MEGF10: variants seen among roughly 807,000 people sequenced by gnomAD.
The protein encoded by MEGF10 is multiple epidermal growth factor-like domains protein 10.
A neutral mutation model predicts 147.5 loss-of-function variants in MEGF10; 86 were observed. That is an observed-to-expected ratio of 0.58 (90% CI 0.49 to 0.70). The LOEUF is 0.70. Ranked by LOEUF, MEGF10 falls within the 30% of genes least tolerant of loss-of-function variation. The pLI, the probability that MEGF10 is intolerant of heterozygous loss-of-function variation, is 0.00. For synonymous variants in MEGF10, 478 were observed against 525.5 expected, an observed-to-expected ratio of 0.91 and a Z score of 1.24; for missense variants, 1,329 against 1,487.3, an observed-to-expected ratio of 0.89 and a Z score of 1.75.
intron 1 of MEGF10, among the ~76,000 whole-genome samples, chr5:127,328,397 A>T (rs1438825970): frequency 6.6e-6 from 1 of 152,200 alleles, no homozygotes; most frequent in Non-Finnish European, 1.5e-5. Context: ...TTTTCAATGT[A>T]CTGATATTTT....
At chr5:127,380,032 T>C (rs1763190797) in intron 5 of MEGF10, among the ~76,000 whole-genome samples, 2 of 151,556 alleles carry the variant, frequency 1.3e-5, no homozygotes, top group South Asian at 4.2e-4. Flanking sequence ...CGTTTTTAAA[T>C]AGGAACTTTC....
chr5:127,333,584 C>T (rs370642926), intron 2 of MEGF10, among the ~76,000 whole-genome samples: 1 of 152,144 alleles, frequency 6.6e-6, no homozygotes, highest in Admixed American at 6.5e-5. Context: ...ATCCGGCACC[C>T]ACTTATAAAT....
chr5:127,255,400 C>A, the MEGF10 span, among the ~76,000 whole-genome samples: 1 of 152,186 alleles, frequency 6.6e-6, no homozygotes, highest in South Asian at 2.1e-4. Context: ...TCAGGCCCAT[C>A]TTATAATCCT....
intron 9 of MEGF10, among the ~76,000 whole-genome samples, chr5:127,411,269 T>A (rs1018901270): frequency 2.0e-5 from 3 of 152,042 alleles, no homozygotes; most frequent in African/African-American, 7.2e-5. Flanking sequence ...CTTCTTTCCC[T>A]CCCCCAGGGA....
chr5:127,324,659 C>A (rs1188555029), intron 1 of MEGF10, among the ~76,000 whole-genome samples: 1 of 152,164 alleles, frequency 6.6e-6, no homozygotes, highest in Non-Finnish European at 1.5e-5. Flanking sequence ...TTTTTGCACA[C>A]CTTCTCTGTT....
chr5:127,386,453 T>C (rs982309906), intron 5 of MEGF10, among the ~76,000 whole-genome samples: 2 of 152,192 alleles, frequency 1.3e-5, no homozygotes, highest in African/African-American at 4.8e-5. Flanking sequence ...TCTCCTTTCA[T>C]ATTTCCGGAC....
At chr5:127,383,823 T>G (rs1298059688) in intron 5 of MEGF10, among the ~76,000 whole-genome samples, 1 of 152,334 alleles carries the variant, frequency 6.6e-6, no homozygotes, top group East Asian at 1.9e-4. Context: ...GTTATAGCAT[T>G]ATTCGTAGTC....
the MEGF10 span, among the ~76,000 whole-genome samples, chr5:127,271,722 C>G: frequency 6.6e-6 from 1 of 152,122 alleles, no homozygotes; most frequent in East Asian, 1.9e-4. Flanking sequence ...ATTTCTCCTT[C>G]CTGCTGCCAT....
chr5:127,312,197 A>G (rs1760318848), intron 1 of MEGF10, among the ~76,000 whole-genome samples: 1 of 152,190 alleles, frequency 6.6e-6, no homozygotes, highest in African/African-American at 2.4e-5. Context: ...AAGTCAGAGC[A>G]AGCAGCCCAG....
the MEGF10 span, among the ~76,000 whole-genome samples, chr5:127,241,705 A>T: frequency 6.6e-6 from 1 of 152,166 alleles, no homozygotes. Flanking sequence ...CTTCTGTGGA[A>T]AGTAGAGCTA....
chr5:127,307,459 T>C (rs1426221273), intron 1 of MEGF10, among the ~76,000 whole-genome samples: 1 of 152,196 alleles, frequency 6.6e-6, no homozygotes, highest in Non-Finnish European at 1.5e-5. Context: ...GCACACCGAA[T>C]GGAAGTTATA....
the MEGF10 span, among the ~76,000 whole-genome samples, chr5:127,267,469 A>G: frequency 7.2e-5 from 11 of 151,978 alleles, no homozygotes; most frequent in Non-Finnish European, 1.2e-4. Flanking sequence ...CTCTTTTTCT[A>G]TTGATTGGAA....
At chr5:127,279,509 G>A in the MEGF10 span, among the ~76,000 whole-genome samples, 1 of 152,000 alleles carries the variant, frequency 6.6e-6, no homozygotes, top group Non-Finnish European at 1.5e-5. Flanking sequence ...AATAGTGTTG[G>A]AGTGATAGCA....
chr5:127,250,722 G>T, the MEGF10 span, among the ~76,000 whole-genome samples: 2 of 151,660 alleles, frequency 1.3e-5, no homozygotes, highest in Non-Finnish European at 2.9e-5. Context: ...ATAAAGAAAA[G>T]ACACAGATAT....
intron 13 of MEGF10, chr5:127,424,577 TA>T: frequency 1.4e-6 from 2 of 1,381,908 alleles, no homozygotes; most frequent in African/African-American, 2.9e-5. Flanking sequence ...CTTTGGTTTC[TA>T]AAGGAGTAAA....
intron 5 of MEGF10, among the ~76,000 whole-genome samples, chr5:127,392,350 C>T (rs1339206427): frequency 6.6e-6 from 1 of 152,202 alleles, no homozygotes; most frequent in African/African-American, 2.4e-5. Context: ...TCCTACTTAA[C>T]AGTCCTCTAC....
At chr5:127,267,171 T>A in the MEGF10 span, among the ~76,000 whole-genome samples, 4 of 152,188 alleles carry the variant, frequency 2.6e-5, no homozygotes, top group African/African-American at 9.7e-5. Flanking sequence ...CTGCATCTAT[T>A]GAGATAATCA....
At chr5:127,449,818 T>G (rs1415046592) in intron 22 of MEGF10, among the ~76,000 whole-genome samples, 2 of 152,172 alleles carry the variant, frequency 1.3e-5, no homozygotes, top group African/African-American at 2.4e-5. Context: ...TTCTTAAAAT[T>G]TATTGAGGAC....
At chr5:127,292,010 A>T (rs1759280691) in intron 1 of MEGF10, among the ~76,000 whole-genome samples, 1 of 152,190 alleles carries the variant, frequency 6.6e-6, no homozygotes, top group Non-Finnish European at 1.5e-5. Flanking sequence ...TTCTTGCCTT[A>T]CTCCTTTATA....
Sources: allele counts gnomAD v4.1 joint callset (sites outside exome capture counted in the v4.1 genomes callset), GRCh38; gene constraint gnomAD v4.1.1; transcripts MANE v1.5; gene names NCBI Gene and HGNC (gene_info 2026-07-23, HGNC 2026-07-21).